Variants in ANOS1 observed in about 807,000 individuals in gnomAD.
ANOS1 encodes the protein anosmin-1.
In ANOS1, 6 loss-of-function variants were observed where a neutral mutation model predicts 59.0. That is an observed-to-expected ratio of 0.10 (90% confidence interval 0.06 to 0.20). The LOEUF (loss-of-function observed/expected upper bound fraction) is 0.20, where lower values mean the gene tolerates loss of function less well. ANOS1 is among the 10% of genes least tolerant of loss of function. The pLI is 1.00. For synonymous variants in ANOS1, 217 were observed against 223.4 expected (o/e 0.97, Z 0.25); for missense variants, 433 against 542.3 (o/e 0.80, Z 2.00).
At chrX:8,667,418 C>T (rs1932165496) in intron 2 of ANOS1, among the ~76,000 whole-genome samples, 1 of 110,947 alleles carries the variant, frequency 9.0e-6, no homozygotes, top group Admixed American at 9.7e-5. Flanking sequence ...GCTTCAGCCT[C>T]CAGAGTACCC....
chrX:8,695,489 A>G (rs1232381500), intron 2 of ANOS1, among the ~76,000 whole-genome samples: 1 of 111,802 alleles, frequency 8.9e-6, no homozygotes, highest in Non-Finnish European at 1.9e-5. Flanking sequence ...TAACGGAGGA[A>G]TATCTAAGGA....
At chrX:8,686,900 G>A (rs1048059812) in intron 2 of ANOS1, among the ~76,000 whole-genome samples, 2 of 111,875 alleles carry the variant, frequency 1.8e-5, no homozygotes, top group Non-Finnish European at 3.8e-5. Context: ...GTTGCAGTGA[G>A]CCAACATCGC....
At chrX:8,647,921 T>A (rs1481174969) in intron 2 of ANOS1, among the ~76,000 whole-genome samples, 1 of 111,844 alleles carries the variant, frequency 8.9e-6, no homozygotes, top group Non-Finnish European at 1.9e-5. Context: ...TAGGGACAAA[T>A]AATATCATCA....
chrX:8,592,642 G>A (rs1042849698), intron 4 of ANOS1, among the ~76,000 whole-genome samples: 1 of 111,213 alleles, frequency 9.0e-6, no homozygotes, highest in African/African-American at 3.3e-5. Flanking sequence ...CCATAAAATA[G>A]ACTTAGAGAG....
rs186884951 is a variant in ANOS1 at position 8,692,390 on chromosome X, A to G, written c.255+7308T>C. ...GGTTACTATCTGGTGTTTTTTTAGA[A>G]GTCATTTGCTAACCCTTATCCTAGA... On this transcript the variant is annotated intron_variant, in intron 2 of 13. Coordinates refer to ENST00000262648, the MANE Select transcript of ANOS1 (RefSeq NM_000216.4). Among the ~76,000 whole-genome samples the G allele has an allele frequency of 1.3e-3, 145 of 111,176 alleles. 1 individual carries two copies. Among genetic ancestry groups the G allele is most frequent in the African/African-American group, 4.3e-3 (133 of 30,598 alleles).
chrX:8,679,847 A>C (rs1282398755), intron 2 of ANOS1, among the ~76,000 whole-genome samples: 12 of 111,449 alleles, frequency 1.1e-4, no homozygotes. Context: ...AGGGTCCATA[A>C]ACCACACTTT....
chrX:8,654,354 A>G (rs923190471), intron 2 of ANOS1, among the ~76,000 whole-genome samples: 1 of 112,414 alleles, frequency 8.9e-6, no homozygotes, highest in Middle Eastern at 4.2e-3. Flanking sequence ...CCATAAAAGA[A>G]AAAAAGAAAG....
intron 2 of ANOS1, among the ~76,000 whole-genome samples, chrX:8,633,229 C>T (rs748207208): frequency 1.8e-5 from 2 of 111,460 alleles, no homozygotes; most frequent in African/African-American, 6.5e-5. Context: ...CTGAAACGTC[C>T]GAAGGGCAAT....
At chrX:8,543,559 A>C (rs972062947) in intron 9 of ANOS1, among the ~76,000 whole-genome samples, 1 of 110,803 alleles carries the variant, frequency 9.0e-6, no homozygotes. Context: ...CTGTAACTAG[A>C]ATATTAAAAA....
intron 13 of ANOS1, 130 bp from the exon 14 acceptor site, chrX:8,533,183 T>C: frequency 2.0e-6 from 1 of 490,398 alleles, no homozygotes; most frequent in South Asian, 2.8e-5. Context: ...TCTTTCCTAT[T>C]CTGAATCTGA....
Position 8,547,905 on chromosome X carries a change from C to T in ANOS1, c.1354+6047G>A, listed in dbSNP as rs373105983. On this transcript the variant is annotated intron_variant, in intron 9 of 13. Coordinates refer to ENST00000262648, the MANE Select transcript of ANOS1 (RefSeq NM_000216.4). ...CTAATTTTTGTATTTTTAGTAGAGA[C>T]GGGGTTTCACCATATTGGCCAGACT... 2.4e-4 allele frequency among the ~76,000 whole-genome samples: 27 copies of T among 111,054 alleles called. No individual in the cohort carries two copies. The East Asian group carries it at 6.3e-3, about 26-fold the overall frequency.
In ANOS1 at chrX:8,531,600, T is replaced by C. The variant is rs1458944005; in HGVS notation, c.*1395A>G. On this transcript the variant is annotated 3_prime_UTR_variant, in exon 14 of 14. Transcript: ENST00000262648. ...ATCCTTATGACCTTTAAAAGAGCTG[T>C]ATCTTTACTCACCATTGGTGAGCTA... The C allele has an allele frequency of 8.9e-6, 1 of 111,836 alleles. No homozygotes were observed. The highest frequency in any genetic ancestry group is 1.9e-5 in the Non-Finnish European group (1 of 53,148). 9.2% of individuals were successfully genotyped at this position (111,836 alleles called of 1,213,427 possible). A position where few individuals can be genotyped will look rare whatever the true frequency, so the allele number is the denominator to read the frequency against.
Position 8,623,653 on chromosome X carries a change from C to T in ANOS1, c.273G>A (p.Lys91=), listed in dbSNP as rs1931337265. The T allele has an allele frequency of 8.4e-7, 1 of 1,197,516 alleles. No individual in the cohort carries two copies. The highest frequency in any genetic ancestry group is 1.1e-6 in the Non-Finnish European group (1 of 882,824). Residue 91 remains lysine, a synonymous_variant, in exon 3 of 14, where the codon AAG becomes AAA. Coordinates refer to ENST00000262648, the MANE Select transcript of ANOS1 (RefSeq NM_000216.4). ...KQCSKCLEPC[K]ESGDLRKHQC... ...GGTGTTTCCTCAGGTCCCCTGATTC[C>T]TTGCAGGGCTCCAGGCACTGGAAGA...
At chrX:8,624,053 G>A (rs763585225) in intron 2 of ANOS1, among the ~76,000 whole-genome samples, 7 of 55,355 alleles carry the variant, frequency 1.3e-4, no homozygotes, top group Non-Finnish European at 1.6e-4. Flanking sequence ...TCTCATTCTT[G>A]TCCCTAGGCT....
intron 8 of ANOS1, among the ~76,000 whole-genome samples, chrX:8,556,400 T>G (rs1197003876): frequency 8.9e-6 from 1 of 112,113 alleles, no homozygotes; most frequent in Non-Finnish European, 1.9e-5. Flanking sequence ...TGTCTCTGTT[T>G]GCAGATGACA....
rs368553666 is a variant in ANOS1, at chrX:8,730,111, C to G, written c.207+1719G>C. On this transcript the variant is annotated intron_variant, in intron 1 of 13. Coordinates refer to ENST00000262648, the MANE Select transcript of ANOS1 (RefSeq NM_000216.4). ...TGCTTTAGCCACTGAAACTGTAAAA[C>G]AAATAAATTACAGCACTGACAATTC... 7.3e-5 allele frequency among the ~76,000 whole-genome samples: 8 copies of G among 110,213 alleles called. No individual in the cohort carries two copies. The East Asian group carries it at 2.3e-3, about 32-fold the overall frequency.
intron 3 of ANOS1, among the ~76,000 whole-genome samples, chrX:8,610,378 C>T (rs897369134): frequency 9.0e-6 from 1 of 111,731 alleles, no homozygotes; most frequent in Non-Finnish European, 1.9e-5. Context: ...AATGATTTGA[C>T]GTAGTTTCAA....
At chrX:8,609,586 T>C (rs776721246) in intron 3 of ANOS1, among the ~76,000 whole-genome samples, 20 of 111,873 alleles carry the variant, frequency 1.8e-4, no homozygotes, top group Non-Finnish European at 3.8e-4. Flanking sequence ...TTCTCCACCA[T>C]AACAATGGCC....
chrX:8,615,896 C>T (rs1010808546), intron 3 of ANOS1, among the ~76,000 whole-genome samples: 3 of 111,343 alleles, frequency 2.7e-5, no homozygotes, highest in Non-Finnish European at 5.6e-5. Flanking sequence ...CAATTCCCCC[C>T]TTTCTCCTCT....
Sources: allele counts gnomAD v4.1 joint callset (sites outside exome capture counted in the v4.1 genomes callset), GRCh38; gene constraint gnomAD v4.1.1; transcripts MANE v1.5; gene names NCBI Gene and HGNC (gene_info 2026-07-23, HGNC 2026-07-21).